PELI1: variants seen among roughly 807,000 people sequenced by gnomAD.
The protein encoded by PELI1 is pellino E3 ubiquitin protein ligase 1.
A neutral mutation model predicts 41.3 loss-of-function variants in PELI1; 15 were observed. The ratio of observed to expected loss-of-function variants is 0.36; its 90% CI spans 0.24 to 0.56. PELI1 has a LOEUF of 0.56. PELI1 is among the 20% of genes least tolerant of loss of function. PELI1 has a pLI of 0.82. For synonymous variants in PELI1, 178 were observed against 180.1 expected (o/e 0.99, Z 0.09); for missense variants, 403 against 525.5 (o/e 0.77, Z 2.28).
chr2:64,118,514 T>C lies in PELI1; in HGVS notation c.-69-10135A>G, dbSNP rs115958443. On this transcript the variant is annotated intron_variant, in intron 1 of 6. Transcript: ENST00000358912. ...AAAAAAAGTTCAATTATACTTTTTC[T>C]TCTGGTGAAAATAAAATGTTTCAAA... Among the ~76,000 whole-genome samples the C allele has an allele frequency of 5.9e-3, 903 of 152,324 alleles. 2 individuals are homozygous for C. Among genetic ancestry groups the C allele is most frequent in the Admixed American group, 9.7e-3 (148 of 15,304 alleles).
intron 1 of PELI1, chr2:64,143,255 T>A (rs893666704): frequency 6.6e-6 from 1 of 152,222 alleles, no homozygotes; most frequent in Non-Finnish European, 1.5e-5. Flanking sequence ...ACTAAGTCTT[T>A]AGAGGTTTTA....
chr2:64,132,546 T>C (rs1170623103), intron 1 of PELI1, among the ~76,000 whole-genome samples: 1 of 152,202 alleles, frequency 6.6e-6, no homozygotes, highest in Non-Finnish European at 1.5e-5. Flanking sequence ...TTTCTTCTTA[T>C]TAAAGACTCT....
At chr2:64,132,813 C>G (rs192025987) in intron 1 of PELI1, among the ~76,000 whole-genome samples, 6 of 152,186 alleles carry the variant, frequency 3.9e-5, no homozygotes, top group Non-Finnish European at 8.8e-5. Flanking sequence ...AAGTGTGGTC[C>G]ATGGCCTATA....
Position 64,093,328 on chromosome 2 carries a change from ACAAAT to A in PELI1, c.*1369_*1373del, listed in dbSNP as rs1490020618. On this transcript the variant is annotated 3_prime_UTR_variant, in exon 7 of 7. Coordinates refer to ENST00000358912, the MANE Select transcript of PELI1 (RefSeq NM_020651.4). ...ATACAACTTTTCAAACTAAAGGAAA[ACAAAT>A]CAAAATATTAAAAGAAGATACTGTC... The A allele has an allele frequency of 1.3e-5, 2 of 152,670 alleles. No homozygotes were observed. Among genetic ancestry groups the A allele is most frequent in the Non-Finnish European group, 2.9e-5 (2 of 68,038 alleles). The allele number at this position is 152,670 out of a possible 1,614,324, so 9.5% of individuals were successfully genotyped here. A position where few individuals can be genotyped will look rare whatever the true frequency, so the allele number is the denominator to read the frequency against.
Position 64,144,382 on chromosome 2 carries a change from C to CA in PELI1, c.-372_-371insT, listed in dbSNP as rs1682041758. On this transcript the variant is annotated 5_prime_UTR_variant, in exon 1 of 7. Coordinates refer to ENST00000358912, the MANE Select transcript of PELI1 (RefSeq NM_020651.4). Reference sequence around the variant, plus strand: ...GCTAGTGGAGGCGGCGGCGGCGCCCCCCGACGGTCCCTCCGCCTCACACCG... The same window carrying CA: ...GCTAGTGGAGGCGGCGGCGGCGCCCCACCGACGGTCCCTCCGCCTCACACCG... 8 of 152,318 alleles carry CA rather than the reference C, an allele frequency of 5.3e-5. No individual in the cohort carries two copies. Among genetic ancestry groups the CA allele is most frequent in the Non-Finnish European group, 5.9e-5 (4 of 68,154 alleles). 9.4% of individuals were successfully genotyped at this position (152,318 alleles called of 1,614,324 possible).
chr2:64,094,835 G>A lies in PELI1; in HGVS notation c.1124C>T (p.Thr375Ile). 1 of 1,614,158 alleles carries A rather than the reference G, an allele frequency of 6.2e-7. No homozygotes were observed. The highest frequency in any genetic ancestry group is 8.5e-7 in the Non-Finnish European group (1 of 1,180,020). The change falls in exon 7 of 7, where the codon ACA (threonine) becomes ATA (isoleucine). Residue 375 changes from threonine (T) to isoleucine (I), a missense_variant. Physicochemically the swap from Thr to Ile is moderately conservative, Grantham distance 89. Coordinates refer to ENST00000358912, the MANE Select transcript of PELI1 (RefSeq NM_020651.4). ...SPCGHVCSEK[T>I]TAYWSQIPLP... ...TGGGATCTGGGACCAATAGGCAGTT[G>A]TCTTTTCTGAACACACATGCCCACA...
intron 1 of PELI1, chr2:64,143,595 T>C (rs1055971170): frequency 1.3e-5 from 2 of 152,078 alleles, no homozygotes; most frequent in African/African-American, 4.8e-5. Flanking sequence ...TGAAAGGAAA[T>C]GTGAAAGACG....
rs1418853400 is a variant in PELI1, at chr2:64,095,065, G to A, written c.894C>T (p.Asp298=). The A allele has an allele frequency of 1.2e-6, 2 of 1,614,036 alleles. No individual in the cohort carries two copies. Among genetic ancestry groups the A allele is most frequent in the South Asian group, 1.1e-5 (1 of 91,080 alleles). Residue 298 remains aspartate, a synonymous_variant, in exon 7 of 7, where the codon GAC becomes GAT. Coordinates refer to ENST00000358912, the MANE Select transcript of PELI1 (RefSeq NM_020651.4). ...CCCATGGTTGTTTTTCATCTACAAC[G>A]TCTTTCCTCTTCATACTAGGAAATG... ...TLAFPSMKRK[D]VVDEKQPWVY... is the part of the protein sequence containing the mutation.
In PELI1 at chr2:64,094,639, G is replaced by T; in HGVS notation, c.*63C>A. The T allele has an allele frequency of 5.1e-6, 6 of 1,184,474 alleles. No individual in the cohort carries two copies. The highest frequency in any genetic ancestry group is 6.1e-6 in the Non-Finnish European group (5 of 817,976). The allele number at this position is 1,184,474 out of a possible 1,614,324, so 73.4% of individuals were successfully genotyped here. ...AGAAAAACTGTGACGTGGACAACAG[G>T]TTCGAAAACCCAACTCACTTAGCTT... On this transcript the variant is annotated 3_prime_UTR_variant, in exon 7 of 7. Transcript: ENST00000358912.
At position 64,094,818 on chromosome 2, in the gene PELI1, G is replaced by A; in HGVS notation, c.1141C>T (p.Gln381Ter). 1 of 1,614,174 alleles carries A rather than the reference G, an allele frequency of 6.2e-7. No individual in the cohort carries two copies. The highest frequency in any genetic ancestry group is 8.5e-7 in the Non-Finnish European group (1 of 1,180,012). ...TGAGTACCATGAGGAAGTGGGATCT[G>A]GGACCAATAGGCAGTTGTCTTTTCT... is the stretch of plus-strand genomic sequence containing the variant. ...CSEKTTAYWS[Q>*]IPLPHGTHTF... is the part of the protein sequence containing the mutation. Residue 381 changes from glutamine to a stop codon, truncating the protein, a stop_gained, in exon 7 of 7, where the codon CAG (glutamine) becomes TAG (stop). Transcript: ENST00000358912. LOFTEE classifies it high-confidence loss of function.
chr2:64,109,279 CAGTGGAAACAGA>C (rs1680726390), intron 1 of PELI1, among the ~76,000 whole-genome samples: 2 of 152,178 alleles, frequency 1.3e-5, no homozygotes. Flanking sequence ...CAATAAAAGC[CAGTGGAAACAGA>C]AGGTTTAGAT....
chr2:64,098,841 G>A (rs563498487), intron 4 of PELI1, among the ~76,000 whole-genome samples: 1 of 152,272 alleles, frequency 6.6e-6, no homozygotes, highest in South Asian at 2.1e-4. Flanking sequence ...TCTTTTTGAT[G>A]CAGAAATGTT....
intron 1 of PELI1, among the ~76,000 whole-genome samples, chr2:64,139,449 C>T (rs1681823495): frequency 6.6e-6 from 1 of 151,768 alleles, no homozygotes; most frequent in Non-Finnish European, 1.5e-5. Context: ...GGGACCACGT[C>T]CAGTTAATTT....
At chr2:64,130,621 A>G (rs993949642) in intron 1 of PELI1, among the ~76,000 whole-genome samples, 3 of 152,236 alleles carry the variant, frequency 2.0e-5, no homozygotes, top group Admixed American at 2.0e-4. Context: ...CTCATTTTGC[A>G]GCACTTAATA....
chr2:64,141,304 G>A (rs112028156), intron 1 of PELI1, among the ~76,000 whole-genome samples: 5 of 78,262 alleles, frequency 6.4e-5, no homozygotes, highest in East Asian at 4.2e-4. Context: ...CATGTTTCCC[G>A]CCCCCACCCC....
Position 64,094,474 on chromosome 2 carries a change from A to C in PELI1, c.*228T>G. On this transcript the variant is annotated 3_prime_UTR_variant, in exon 7 of 7. Coordinates refer to ENST00000358912, the MANE Select transcript of PELI1 (RefSeq NM_020651.4). ...CTATGTCTTTTTCTCCTCAAAATAT[A>C]TTTTCAAAACTCAGAATTCAGAAGA... 6.7e-6 allele frequency: 3 copies of C among 445,098 alleles called. No individual in the cohort carries two copies. Among genetic ancestry groups the C allele is most frequent in the Non-Finnish European group, 1.2e-5 (3 of 251,930 alleles). 27.6% of individuals were successfully genotyped at this position (445,098 alleles called of 1,614,324 possible).
intron 1 of PELI1, among the ~76,000 whole-genome samples, chr2:64,113,273 G>A (rs1214870667): frequency 2.0e-5 from 3 of 149,488 alleles, no homozygotes; most frequent in South Asian, 2.1e-4. Context: ...CCTGGGTGAC[G>A]GAGAGAAACT....
rs766029566 is a variant in PELI1 at position 64,095,162 on chromosome 2, T to C, written c.797A>G (p.Lys266Arg). Residue 266 changes from lysine to arginine, a missense_variant, in exon 7 of 7, where the codon AAG (lysine) becomes AGG (arginine). Lys to Arg is a conservative substitution (Grantham distance 26). Coordinates refer to ENST00000358912, the MANE Select transcript of PELI1 (RefSeq NM_020651.4). The stretch of plus-strand genomic sequence containing the variant: ...TTCCTGTCTTAAAGCTTCTAAATGC[T>C]TCACGGTAGGAGTGTGGGAAAGGCC... Reference protein sequence around the residue: ...AEGLSHTPTVKHLEALRQEIN... With the variant: ...AEGLSHTPTVRHLEALRQEIN... 1.9e-6 allele frequency: 3 copies of C among 1,614,098 alleles called. No individual in the cohort carries two copies. The highest frequency in any genetic ancestry group is 2.7e-5 in the African/African-American group (2 of 74,938).
intron 1 of PELI1, among the ~76,000 whole-genome samples, chr2:64,137,741 G>T (rs879674155): frequency 5.9e-4 from 90 of 152,066 alleles, no homozygotes; most frequent in Non-Finnish European, 3.1e-4. Flanking sequence ...GATCCTCTGT[G>T]AGTCATATCT....
Sources: gnomAD v4.1 joint callset for allele counts (sites outside exome capture counted in the v4.1 genomes callset) on GRCh38, gnomAD v4.1.1 for gene constraint, MANE v1.5 for transcripts, NCBI Gene and HGNC (gene_info 2026-07-23, HGNC 2026-07-21) for gene names.